The following TRIM2 variants were observed in gnomAD, a reference collection of about 807,000 sequenced individuals.
TRIM2 encodes tripartite motif containing 2.
A neutral mutation model predicts 75.2 loss-of-function variants in TRIM2; 20 were observed. The ratio of observed to expected loss-of-function variants is 0.27; its 90% CI spans 0.19 to 0.39. The LOEUF (loss-of-function observed/expected upper bound fraction) is 0.39, where lower values mean the gene tolerates loss of function less well. Ranked by LOEUF, TRIM2 falls within the 10% of genes least tolerant of loss-of-function variation. The pLI is 1.00. For synonymous variants in TRIM2, 373 were observed against 388.3 expected (o/e 0.96, Z 0.46); for missense variants, 660 against 990.8 (o/e 0.67, Z 4.48).
chr4:153,312,772 G>A (rs1766653874), intron 6 of TRIM2, among the ~76,000 whole-genome samples: 1 of 152,068 alleles, frequency 6.6e-6, no homozygotes, highest in Non-Finnish European at 1.5e-5. Flanking sequence ...GTTTATTGCG[G>A]CACTATTCAC....
At chr4:153,205,279 T>C (rs1044335160) in intron 1 of TRIM2, among the ~76,000 whole-genome samples, 2 of 152,166 alleles carry the variant, frequency 1.3e-5, no homozygotes, top group African/African-American at 4.8e-5. Flanking sequence ...TCGGGGTGCT[T>C]GCTGGTTTCC....
intron 6 of TRIM2, among the ~76,000 whole-genome samples, chr4:153,313,152 C>A (rs1217567139): frequency 6.6e-6 from 1 of 152,140 alleles, no homozygotes; most frequent in East Asian, 1.9e-4. Flanking sequence ...TCCTTTCCTG[C>A]TCCCCACTAC....
chr4:153,222,974 CGAGGGGT>C (rs1741047724), intron 1 of TRIM2: 1 of 152,254 alleles, frequency 6.6e-6, no homozygotes, highest in Non-Finnish European at 1.5e-5. Context: ...GGCCCAGGCC[CGAGGGGT>C]GAGGCCCAGG....
intron 1 of TRIM2, among the ~76,000 whole-genome samples, chr4:153,196,268 C>CCCCACACA (rs1560802128): frequency 7.1e-6 from 1 of 141,410 alleles, no homozygotes; most frequent in Non-Finnish European, 1.5e-5. Flanking sequence ...CTACCACCCC[C>CCCCACACA]CCCCACACAC....
intron 3 of TRIM2, among the ~76,000 whole-genome samples, chr4:153,280,051 G>C (rs899063687): frequency 1.3e-5 from 2 of 151,616 alleles, no homozygotes; most frequent in Admixed American, 6.6e-5. Context: ...TCCTGCTTGG[G>C]TGATAAAGCG....
chr4:153,210,775 G>A (rs903830324), intron 1 of TRIM2, among the ~76,000 whole-genome samples: 2 of 152,158 alleles, frequency 1.3e-5, no homozygotes, highest in African/African-American at 4.8e-5. Context: ...TGGACATACT[G>A]GAGGCACAGC....
intron 1 of TRIM2, among the ~76,000 whole-genome samples, chr4:153,249,873 G>T (rs1181123112): frequency 6.6e-6 from 1 of 152,220 alleles, no homozygotes; most frequent in Non-Finnish European, 1.5e-5. Flanking sequence ...GGACACGGAT[G>T]CAATCAGGAA....
chr4:153,273,318 C>T (rs1195699443), intron 2 of TRIM2, among the ~76,000 whole-genome samples: 4 of 130,034 alleles, frequency 3.1e-5, no homozygotes, highest in Admixed American at 7.9e-5. Context: ...CTCTGCCGCC[C>T]GGGCTGGAGT....
intron 1 of TRIM2, among the ~76,000 whole-genome samples, chr4:153,217,314 A>G (rs1360799209): frequency 2.0e-5 from 3 of 152,186 alleles, no homozygotes; most frequent in Admixed American, 6.5e-5. Flanking sequence ...AATACAAAGT[A>G]TATGGGATTC....
intron 1 of TRIM2, among the ~76,000 whole-genome samples, chr4:153,225,871 T>C (rs943066002): frequency 5.9e-5 from 9 of 152,202 alleles, no homozygotes; most frequent in Admixed American, 2.6e-4. Context: ...CTTTGGTTGT[T>C]TGTGGTTTTA....
chr4:153,271,102 G>A (rs1164833266), intron 2 of TRIM2, among the ~76,000 whole-genome samples: 3 of 152,110 alleles, frequency 2.0e-5, no homozygotes, highest in African/African-American at 7.2e-5. Context: ...TAGAGTATTT[G>A]TTTTTGGAGA....
chr4:153,254,957 G>T (rs10021866), intron 1 of TRIM2, among the ~76,000 whole-genome samples: 58,291 of 151,914 alleles, frequency 0.38, 12,579 homozygotes, highest in African/African-American at 0.6. Context: ...GGTATTACTC[G>T]CTGGTCCCAT....
intron 1 of TRIM2, among the ~76,000 whole-genome samples, chr4:153,193,415 G>A (rs1225273878): frequency 1.3e-5 from 2 of 152,284 alleles, no homozygotes; most frequent in South Asian, 2.1e-4. Context: ...ACAGGCATGA[G>A]CCACCGCGCC....
chr4:153,315,928 A>G lies in TRIM2; in HGVS notation c.1711A>G (p.Ser571Gly), dbSNP rs1579647493. Residue 571 changes from serine (S) to glycine (G), a missense_variant, in exon 8 of 12, where the codon AGT becomes GGT. Physicochemically the swap from Ser to Gly is moderately conservative, Grantham distance 56 (BLOSUM62 0). This residue lies in a region of TRIM2 where 620 missense variants were observed against 891.0 expected (regional missense o/e 0.70). Transcript: ENST00000338700. ...QRPTGVAVHP[S>G]GDIIIADYDN... ...GCCCACAGGAGTGGCTGTACATCCC[A>G]GTGGGGACATAATCATTGCCGATTA... 6.2e-7 allele frequency: 1 copy of G among 1,611,328 alleles called. No individual in the cohort carries two copies. The highest frequency in any genetic ancestry group is 1.3e-5 in the African/African-American group (1 of 74,906).
chr4:153,210,602 CAA>C, intron 1 of TRIM2, among the ~76,000 whole-genome samples: 1 of 152,262 alleles, frequency 6.6e-6, no homozygotes, highest in East Asian at 1.9e-4. Flanking sequence ...CTAGAGCTCT[CAA>C]AATATTTGAT....
At position 153,295,246 on chromosome 4, in the gene TRIM2, A is replaced by T. The variant is rs1159293883; in HGVS notation, c.787-67A>T. 6 of 1,465,726 alleles carry T rather than the reference A, an allele frequency of 4.1e-6. No individual in the cohort carries two copies. Among genetic ancestry groups the T allele is most frequent in the Admixed American group, 5.3e-5 (2 of 37,454 alleles). 90.8% of individuals were successfully genotyped at this position (1,465,726 alleles called of 1,614,324 possible). ...TGTAGAGTCTCCTTCTCGCCGGTGG[A>T]GGGCACTGCCCCGGGCTAGGCCCCG... On this transcript the variant is annotated intron_variant, in intron 5 of 11. Coordinates refer to ENST00000338700, the MANE Select transcript of TRIM2 (RefSeq NM_015271.5). This position sits in a 1 kb window ranked among gnomAD's most constrained non-coding sequence, Gnocchi z 7.2.
At position 153,204,577 on chromosome 4, in the gene TRIM2, A is replaced by T; in HGVS notation, c.30+17A>T. 6.4e-7 allele frequency: 1 copy of T among 1,551,674 alleles called. No homozygotes were observed. The highest frequency in any genetic ancestry group is 1.2e-5 in the South Asian group (1 of 84,054). Reference sequence around the variant, plus strand: ...GGAACGCAGGTAAGGACGCTTCTCAATGTGGGATAATTCTTTTTCTGGGCC... The same window carrying T: ...GGAACGCAGGTAAGGACGCTTCTCATTGTGGGATAATTCTTTTTCTGGGCC... On this transcript the variant is annotated intron_variant, in intron 1 of 11. Transcript: ENST00000338700.
At chr4:153,218,657 T>A (rs1739138002) in intron 1 of TRIM2, among the ~76,000 whole-genome samples, 1 of 152,258 alleles carries the variant, frequency 6.6e-6, no homozygotes. Flanking sequence ...TAGTATTTCC[T>A]GGGCTTTAGG....
chr4:153,215,448 T>C (rs1738210351), intron 1 of TRIM2, among the ~76,000 whole-genome samples: 5 of 152,168 alleles, frequency 3.3e-5, no homozygotes, highest in African/African-American at 4.8e-5. Flanking sequence ...GTACATTTTC[T>C]GGTTTTTGTG....
Sources: gnomAD v4.1 joint callset for allele counts (sites outside exome capture counted in the v4.1 genomes callset) on GRCh38, gnomAD v4.1.1 for gene constraint, gnomAD v4.1.1 regional missense constraint, Gnocchi (gnomAD v3.1) non-coding constraint, MANE v1.5 for transcripts, NCBI Gene and HGNC (gene_info 2026-07-23, HGNC 2026-07-21) for gene names.